The following ERCC8 variants were observed in gnomAD, a reference collection of about 807,000 sequenced individuals.
The protein encoded by ERCC8 is DNA excision repair protein ERCC-8.
ERCC8 carries 52 observed loss-of-function variants against 54.9 expected under a neutral mutation model. The observed-to-expected ratio is 0.95, with a 90% CI of 0.76 to 1.19. The LOEUF (loss-of-function observed/expected upper bound fraction) is 1.19, where lower values mean the gene tolerates loss of function less well. ERCC8 is among the 50% of genes most tolerant of loss of function. The pLI, the probability that ERCC8 is intolerant of heterozygous loss-of-function variation, is 0.00. For synonymous variants in ERCC8, 146 were observed against 157.2 expected, an observed-to-expected ratio of 0.93 and a Z score of 0.53; for missense variants, 514 against 466.1, an observed-to-expected ratio of 1.10 and a Z score of -0.95.
intron 11 of ERCC8, among the ~76,000 whole-genome samples, chr5:60,877,360 C>T (rs1415803948): frequency 2.6e-5 from 4 of 152,256 alleles, no homozygotes; most frequent in African/African-American, 9.6e-5. Context: ...CTTGGCAATG[C>T]GGGCTCTTTT....
At chr5:60,875,314 G>A (rs755392773) in intron 11 of ERCC8, among the ~76,000 whole-genome samples, 1 of 152,066 alleles carries the variant, frequency 6.6e-6, no homozygotes, top group African/African-American at 2.4e-5. Flanking sequence ...TGCAAAATAC[G>A]TCAGAAATGG....
Position 60,887,476 on chromosome 5 carries a change from A to G in ERCC8, c.1086T>C (p.Val362=). Residue 362 remains valine (V), a synonymous_variant, in exon 11 of 12, where the codon GTT becomes GTC. Coordinates refer to ENST00000676185, the MANE Select transcript of ERCC8 (RefSeq NM_000082.4). ...CAGGAACTGGTTCATATAAGGATGGAACCCAAGCCAGAATGTTGCAGTCTC... is the reference window on the plus strand; with the variant it reads ...CAGGAACTGGTTCATATAAGGATGGGACCCAAGCCAGAATGTTGCAGTCTC... ...GSRDCNILAW[V]PSLYEPVPDD... is the part of the protein sequence containing the mutation. 1 of 1,614,056 alleles carries G rather than the reference A, an allele frequency of 6.2e-7. No homozygotes were observed. Among genetic ancestry groups the G allele is most frequent in the Non-Finnish European group, 8.5e-7 (1 of 1,179,908 alleles).
intron 11 of ERCC8, among the ~76,000 whole-genome samples, chr5:60,876,867 A>C (rs1458006985): frequency 6.6e-6 from 1 of 152,160 alleles, no homozygotes. Flanking sequence ...TTTGCTGTGC[A>C]GAAGCTCTTT....
chr5:60,944,815 G>A (rs1182267172), intron 1 of ERCC8, 117 bp downstream of exon 1: 2 of 714,168 alleles, frequency 2.8e-6, no homozygotes, highest in Non-Finnish European at 4.9e-6. Flanking sequence ...AGCATTAGAG[G>A]GCAAATAATA....
At chr5:60,902,642 T>G in intron 6 of ERCC8, 134 bp from the exon 7 acceptor site, 1 of 725,238 alleles carries the variant, frequency 1.4e-6, no homozygotes, top group Non-Finnish European at 2.5e-6. Context: ...ATTTTTCAGA[T>G]TTATAATAAT....
intron 11 of ERCC8, among the ~76,000 whole-genome samples, chr5:60,886,053 T>G (rs536721236): frequency 6.7e-6 from 1 of 149,510 alleles, no homozygotes; most frequent in South Asian, 2.1e-4. Context: ...AAGAACTATA[T>G]GTATATATAT....
At chr5:60,925,533 T>C (rs1170461081) in intron 2 of ERCC8, among the ~76,000 whole-genome samples, 1 of 152,182 alleles carries the variant, frequency 6.6e-6, no homozygotes, top group Non-Finnish European at 1.5e-5. Flanking sequence ...GTAGTCAAAT[T>C]TGCTTGCTAA....
At chr5:60,912,065 G>C (rs910498793) in intron 4 of ERCC8, among the ~76,000 whole-genome samples, 2 of 151,830 alleles carry the variant, frequency 1.3e-5, no homozygotes, top group African/African-American at 4.9e-5. Context: ...GGATTGTCTT[G>C]GTAATGCGGG....
intron 9 of ERCC8, chr5:60,893,164 G>T: frequency 2.2e-6 from 2 of 914,814 alleles, no homozygotes; most frequent in Non-Finnish European, 3.7e-6. Context: ...CAGCCTAATG[G>T]GTCTCTGGCA....
intron 8 of ERCC8, 116 bp from the exon 9 acceptor site, chr5:60,898,516 A>C: frequency 1.7e-6 from 2 of 1,152,092 alleles, no homozygotes; most frequent in Non-Finnish European, 1.3e-6. Flanking sequence ...AAAAAATGTA[A>C]GTAGATTATA....
At chr5:60,894,378 T>C (rs74916680) in intron 9 of ERCC8, among the ~76,000 whole-genome samples, 3 of 152,316 alleles carry the variant, frequency 2.0e-5, no homozygotes, top group East Asian at 1.9e-4. Flanking sequence ...TAACTGAGAA[T>C]AGGTATATAT....
intron 1 of ERCC8, among the ~76,000 whole-genome samples, chr5:60,934,616 T>C (rs1750011268): frequency 6.6e-6 from 1 of 152,214 alleles, no homozygotes; most frequent in African/African-American, 2.4e-5. Flanking sequence ...GCTTTTCGGT[T>C]CTTGGTCATG....
chr5:60,910,622 T>C (rs1452910854), intron 4 of ERCC8, among the ~76,000 whole-genome samples: 1 of 152,172 alleles, frequency 6.6e-6, no homozygotes, highest in Non-Finnish European at 1.5e-5. Flanking sequence ...TATTACTAGG[T>C]ATATGATGAT....
At chr5:60,910,555 T>A (rs562865648) in intron 4 of ERCC8, among the ~76,000 whole-genome samples, 1 of 152,320 alleles carries the variant, frequency 6.6e-6, no homozygotes, top group South Asian at 2.1e-4. Context: ...TTTCTCTCAA[T>A]AATGTTCTAA....
intron 1 of ERCC8, among the ~76,000 whole-genome samples, chr5:60,944,705 A>ACCC (rs34115919): frequency 1.7e-4 from 16 of 96,058 alleles, no homozygotes; most frequent in African/African-American, 4.1e-4. Context: ...CCGCGGGGGA[A>ACCC]CCCCCCCCCC....
chr5:60,899,598 G>A (rs1415127891), intron 8 of ERCC8, 29 bp downstream of exon 8: 1 of 1,468,900 alleles, frequency 6.8e-7, no homozygotes, highest in Non-Finnish European at 9.5e-7. Flanking sequence ...TACTATCATT[G>A]TCATATTTAT....
At position 60,933,216 on chromosome 5, in the gene ERCC8, C is replaced by CTTTTTTTTTT. The variant is rs143139297; in HGVS notation, c.78-4267_78-4258dup. Among the ~76,000 whole-genome samples, 790 of 89,538 alleles carry CTTTTTTTTTT rather than the reference C, an allele frequency of 8.8e-3. 1 individual carries two copies. Among genetic ancestry groups the CTTTTTTTTTT allele is most frequent in the Middle Eastern group, 0.012 (1 of 82 alleles). 58.7% of individuals were successfully genotyped at this position (89,538 alleles called of 152,430 possible). On this transcript the variant is annotated intron_variant, in intron 1 of 11. Transcript: ENST00000676185. ...ATGTATGCATTTTTTCCTTTTTTTT[C>CTTTTTTTTTT]TTTTTTTTTTTTTTTTTTTTGAGAC... is the stretch of plus-strand genomic sequence containing the variant.
At chr5:60,902,415 T>G (rs376937131) in intron 7 of ERCC8, 27 bp downstream of exon 7, 42 of 1,566,480 alleles carry the variant, frequency 2.7e-5, no homozygotes, top group Middle Eastern at 1.7e-4. Flanking sequence ...AATTACTAAC[T>G]TCAAAAGCAA....
intron 4 of ERCC8, chr5:60,915,060 T>C (rs1193231980): frequency 6.6e-6 from 1 of 152,076 alleles, no homozygotes; most frequent in Non-Finnish European, 1.5e-5. Flanking sequence ...ATAATGTCCT[T>C]GTAAATTTTG....
Sources: gnomAD v4.1 joint callset for allele counts (sites outside exome capture counted in the v4.1 genomes callset) on GRCh38, gnomAD v4.1.1 for gene constraint, MANE v1.5 for transcripts, NCBI Gene and HGNC (gene_info 2026-07-23, HGNC 2026-07-21) for gene names.